OR10D3: variants seen among roughly 807,000 people sequenced by gnomAD.
The protein encoded by OR10D3 is olfactory receptor 10D3.
For missense variants in OR10D3, 286 were observed against 153.7 expected, an observed-to-expected ratio of 1.86 and a Z score of -4.55; for synonymous variants, 100 against 57.6, an observed-to-expected ratio of 1.74 and a Z score of -3.33.
intron 1 of OR10D3, among the ~76,000 whole-genome samples, 184 bp downstream of exon 1, chr11:124,183,567 C>T (rs1315007907): frequency 7.6e-6 from 1 of 131,604 alleles, no homozygotes; most frequent in Non-Finnish European, 1.6e-5. Flanking sequence ...TCCTTCCCTC[C>T]CTCCCTCCCT....
chr11:124,185,447 T>C (rs1479084370), exon 2 of OR10D3: 6 of 703,018 alleles, frequency 8.5e-6, no homozygotes, highest in Non-Finnish European at 1.3e-5. Flanking sequence ...CACACCTATG[T>C]ATTTCTTCCT....
chr11:124,184,851 A>C (rs75796087), intron 1 of OR10D3, among the ~76,000 whole-genome samples: 1 of 152,220 alleles, frequency 6.6e-6, no homozygotes, highest in African/African-American at 2.4e-5. Context: ...TGGCTTACAA[A>C]TATGATGATT....
chr11:124,185,441 C>T (rs1430903908), exon 2 of OR10D3: 1 of 702,974 alleles, frequency 1.4e-6, no homozygotes, highest in Non-Finnish European at 2.6e-6. Context: ...CCTTCACACA[C>T]CTATGTATTT....
At chr11:124,183,474 C>CTCTT (rs1861186220) in intron 1 of OR10D3, 91 bp downstream of exon 1, 1 of 151,570 alleles carries the variant, frequency 6.6e-6, no homozygotes, top group Non-Finnish European at 1.5e-5. Context: ...CTCTTTCTTT[C>CTCTT]TCTTTTTTTC....
At chr11:124,185,743 C>A (rs61743734) in exon 2 of OR10D3, 1 of 703,630 alleles carries the variant, frequency 1.4e-6, no homozygotes, top group Non-Finnish European at 2.6e-6. Flanking sequence ...ATTCCAGTAT[C>A]TTGACCTCCC....
exon 2 of OR10D3, chr11:124,186,313 A>G: frequency 1.6e-6 from 1 of 611,862 alleles, no homozygotes; most frequent in Non-Finnish European, 2.9e-6. Flanking sequence ...AATTTTCAGC[A>G]CTGTGCTGAA....
chr11:124,183,675 A>G (rs1480520757), intron 1 of OR10D3, among the ~76,000 whole-genome samples: 2 of 150,438 alleles, frequency 1.3e-5, no homozygotes, highest in Non-Finnish European at 2.9e-5. Flanking sequence ...CTCCTGCCTT[A>G]GTCTCCAGAG....
chr11:124,186,236 C>T, exon 2 of OR10D3: 1 of 648,340 alleles, frequency 1.5e-6, no homozygotes, highest in Non-Finnish European at 2.8e-6. Context: ...GTGCATGGCT[C>T]TGGAATTCCT....
exon 2 of OR10D3, chr11:124,185,444 A>T: frequency 1.4e-6 from 1 of 702,824 alleles, no homozygotes; most frequent in Non-Finnish European, 2.6e-6. Context: ...TCACACACCT[A>T]TGTATTTCTT....
Position 124,185,891 on chromosome 11 carries a change from CTT to C in OR10D3, c.623_624del (p.Leu208ArgfsTer12), listed in dbSNP as rs1861219286. The C allele has an allele frequency of 1.4e-6, 1 of 703,314 alleles. No homozygotes were observed. Among genetic ancestry groups the C allele is most frequent in the Non-Finnish European group, 2.6e-6 (1 of 385,060 alleles). The allele number at this position is 703,314 out of a possible 1,614,324, so 43.6% of individuals were successfully genotyped here. A position where few individuals can be genotyped will look rare whatever the true frequency, so the allele number is the denominator to read the frequency against. On this transcript the variant is annotated frameshift_variant, in exon 2 of 2. Coordinates refer to ENST00000641351, the Ensembl canonical transcript of OR10D3. LOFTEE classifies it low-confidence loss of function (END_TRUNC). ...CTTCACCAACGTTGGCCTCATATCT[CTT>C]GTCTGCTTTCTGCTAATTCTTTTAT...
intron 1 of OR10D3, 107 bp downstream of exon 1, chr11:124,183,490 CTTTT>C (rs551375760): frequency 6.8e-6 from 1 of 147,428 alleles, no homozygotes; most frequent in Non-Finnish European, 1.5e-5. Flanking sequence ...TTTTCTCTTT[CTTTT>C]TTTTTCTTTC....
At chr11:124,185,000 GGTCAGA>G in intron 1 of OR10D3, among the ~76,000 whole-genome samples, 1 of 152,262 alleles carries the variant, frequency 6.6e-6, no homozygotes, top group African/African-American at 2.4e-5. Context: ...GCTCTAACAA[GGTCAGA>G]ATATTGTTTT....
At chr11:124,185,506 C>T in exon 2 of OR10D3, 1 of 703,314 alleles carries the variant, frequency 1.4e-6, no homozygotes, top group South Asian at 1.5e-5. Context: ...TGACTTGTCC[C>T]AAAATGCTGC....
chr11:124,187,882 T>C (rs1861243815), exon 2 of OR10D3: 1 of 152,240 alleles, frequency 6.6e-6, no homozygotes, highest in East Asian at 1.9e-4. Context: ...TTGATATTTG[T>C]GCTATTGTTC....
chr11:124,185,377 C>T lies in OR10D3; in HGVS notation c.108C>T (p.Ala36=), dbSNP rs115415865. 2.8e-4 allele frequency: 196 copies of T among 703,194 alleles called. 2 individuals carry two copies. In the African/African-American group the frequency reaches 3.0e-3, roughly 11 times the overall value. The allele number at this position is 703,194 out of a possible 1,614,324, so 43.6% of individuals were successfully genotyped here. The change falls in exon 2 of 2, where the codon GCC becomes GCT. Residue 36 remains alanine, a synonymous_variant. Transcript: ENST00000641351. ...TTGTCTTATTCTTGCCCTTCTATGC[C>T]TGCACTCTACTGGGAAATGTGTCTA...
At chr11:124,184,656 G>A (rs1185744913) in intron 1 of OR10D3, among the ~76,000 whole-genome samples, 1 of 152,148 alleles carries the variant, frequency 6.6e-6, no homozygotes, top group Non-Finnish European at 1.5e-5. Context: ...CCTTAATTTA[G>A]GAGAGTCACC....
intron 1 of OR10D3, among the ~76,000 whole-genome samples, chr11:124,183,993 T>G (rs1295567672): frequency 2.0e-5 from 3 of 152,234 alleles, no homozygotes; most frequent in Non-Finnish European, 4.4e-5. Flanking sequence ...GTGGATATCT[T>G]CATTTGATTC....
chr11:124,184,081 C>T (rs1166695573), intron 1 of OR10D3, among the ~76,000 whole-genome samples: 1 of 152,174 alleles, frequency 6.6e-6, no homozygotes, highest in East Asian at 1.9e-4. Flanking sequence ...GGTCTGATTG[C>T]TTTTTGGAAT....
At chr11:124,186,403 C>G (rs1041105552) in exon 2 of OR10D3, 1 of 451,666 alleles carries the variant, frequency 2.2e-6, no homozygotes, top group African/African-American at 2.0e-5. Context: ...TGCCTCTTCA[C>G]CTATCTTCAA....
Sources: allele counts gnomAD v4.1 joint callset (sites outside exome capture counted in the v4.1 genomes callset), GRCh38; gene constraint gnomAD v4.1.1; transcripts MANE v1.5; gene names NCBI Gene and HGNC (gene_info 2026-07-23, HGNC 2026-07-21).